Variants in CBR4 observed in about 807,000 individuals in gnomAD.
The protein encoded by CBR4 is 3-oxoacyl-[acyl-carrier-protein] reductase.
CBR4 carries 22 observed loss-of-function variants against 21.0 expected under a neutral mutation model. That is an observed-to-expected ratio of 1.05 (90% confidence interval 0.75 to 1.50). The LOEUF is 1.50. Ranked by LOEUF, CBR4 falls within the 40% of genes most tolerant of loss-of-function variation. The pLI is 0.00. For synonymous variants in CBR4, 100 were observed against 104.4 expected, an observed-to-expected ratio of 0.96 and a Z score of 0.26; for missense variants, 302 against 286.3, an observed-to-expected ratio of 1.05 and a Z score of -0.40.
intron 2 of CBR4, among the ~76,000 whole-genome samples, chr4:168,912,902 A>T (rs1418319664): frequency 1.3e-5 from 2 of 152,172 alleles, no homozygotes; most frequent in African/African-American, 4.8e-5. Flanking sequence ...TCAATTGACA[A>T]ATTTAAGAGA....
intron 2 of CBR4, among the ~76,000 whole-genome samples, chr4:168,961,368 T>C (rs897780422): frequency 3.3e-5 from 5 of 152,168 alleles, no homozygotes; most frequent in Admixed American, 6.5e-5. Context: ...TCAATATCTA[T>C]AGAATATTAT....
At chr4:168,937,919 A>G (rs1443488172) in intron 2 of CBR4, among the ~76,000 whole-genome samples, 1 of 152,202 alleles carries the variant, frequency 6.6e-6, no homozygotes. Context: ...CAGAAAATTA[A>G]CAAGGATATT....
intron 2 of CBR4, chr4:168,924,443 T>C: frequency 6.2e-7 from 1 of 1,603,010 alleles, no homozygotes; most frequent in Non-Finnish European, 8.5e-7. Flanking sequence ...AATGAGAACC[T>C]GATCCTTAAC....
At chr4:168,959,319 C>T (rs1460569318) in intron 2 of CBR4, among the ~76,000 whole-genome samples, 1 of 152,138 alleles carries the variant, frequency 6.6e-6, no homozygotes, top group African/African-American at 2.4e-5. Context: ...TGCCTTGGCA[C>T]CTTTGTCAAA....
downstream of CBR4, among the ~76,000 whole-genome samples, chr4:168,986,682 G>A (rs890593889): frequency 6.6e-6 from 1 of 152,136 alleles, no homozygotes; most frequent in Non-Finnish European, 1.5e-5. Context: ...GGTGGCTCAC[G>A]CCTGTAATCC....
chr4:168,933,440 G>T (rs1053470067), intron 2 of CBR4, among the ~76,000 whole-genome samples: 1 of 152,028 alleles, frequency 6.6e-6, no homozygotes, highest in East Asian at 1.9e-4. Context: ...AATAATAAAG[G>T]TATCAATTCA....
intron 3 of CBR4, 25 bp from the exon 4 acceptor site, chr4:169,002,230 A>C (rs1730513729): frequency 7.2e-7 from 1 of 1,387,104 alleles, no homozygotes; most frequent in African/African-American, 1.5e-5. Flanking sequence ...AAAAAAAAAA[A>C]AAAAAAAGCG....
intron 2 of CBR4, among the ~76,000 whole-genome samples, chr4:168,974,022 A>G (rs543153425): frequency 3.3e-5 from 5 of 152,140 alleles, no homozygotes; most frequent in African/African-American, 1.2e-4. Flanking sequence ...AGATCCTGTG[A>G]GATTTATGCT....
chr4:168,927,706 T>A (rs993827423), intron 2 of CBR4: 1 of 225,014 alleles, frequency 4.4e-6, no homozygotes, highest in Non-Finnish European at 8.9e-6. Context: ...TAAAGGCATC[T>A]CGGTAAAGAC....
chr4:168,978,305 T>C (rs977875906), intron 2 of CBR4, among the ~76,000 whole-genome samples: 7 of 152,084 alleles, frequency 4.6e-5, no homozygotes, highest in African/African-American at 1.7e-4. Flanking sequence ...AGATCAAAAA[T>C]ATTTGGGGGA....
intron 3 of CBR4, chr4:169,005,746 A>AGTAAATG (rs374651366): frequency 2.0e-5 from 10 of 489,224 alleles, no homozygotes; most frequent in African/African-American, 1.8e-4. Context: ...AATTTTTAAG[A>AGTAAATG]GTAAATGTCC....
At chr4:168,978,934 G>C (rs972565982) in intron 2 of CBR4, among the ~76,000 whole-genome samples, 2 of 151,830 alleles carry the variant, frequency 1.3e-5, no homozygotes, top group East Asian at 3.9e-4. Flanking sequence ...CCCTGGAACA[G>C]AGCTCCCAGG....
intron 3 of CBR4, among the ~76,000 whole-genome samples, chr4:169,002,411 T>C (rs1730530182): frequency 6.6e-6 from 1 of 152,118 alleles, no homozygotes; most frequent in African/African-American, 2.4e-5. Flanking sequence ...ATACAGAAAA[T>C]AGCATCTGAA....
rs1334174398 is a variant in CBR4, at chr4:168,924,992, C to T, written n.170-30227G>A. On this transcript the variant is annotated intron_variant and non_coding_transcript_variant, in intron 2 of 3. Transcript: ENST00000509108. Reference sequence around the variant, plus strand: ...TACATCTGCCTGCTCATTCAGGGAGCCACAAAAGAAGATGCTGGGTGGTAT... The same window carrying T: ...TACATCTGCCTGCTCATTCAGGGAGTCACAAAAGAAGATGCTGGGTGGTAT... The T allele has an allele frequency of 6.2e-7, 1 of 1,613,986 alleles. No individual in the cohort carries two copies. Among genetic ancestry groups the T allele is most frequent in the South Asian group, 1.1e-5 (1 of 91,072 alleles).
At position 168,987,645 on chromosome 4, in the gene CBR4, T is replaced by G. The variant is rs907938891; in HGVS notation, c.*2505A>C. 4.7e-5 allele frequency: 45 copies of G among 963,032 alleles called. No individual in the cohort carries two copies. The highest frequency in any genetic ancestry group is 9.9e-6 in the Non-Finnish European group (8 of 809,688). 59.7% of individuals were successfully genotyped at this position (963,032 alleles called of 1,614,324 possible). A position where few individuals can be genotyped will look rare whatever the true frequency, so the allele number is the denominator to read the frequency against. ...CAGTTTGTTTACCAAGTTAGGACAGTGGTTATGATTTCTCAATTTACACAT... is the reference window on the plus strand; with the variant it reads ...CAGTTTGTTTACCAAGTTAGGACAGGGGTTATGATTTCTCAATTTACACAT... On this transcript the variant is annotated 3_prime_UTR_variant, in exon 5 of 5. Coordinates refer to ENST00000306193, the MANE Select transcript of CBR4 (RefSeq NM_032783.5).
intron 2 of CBR4, among the ~76,000 whole-genome samples, chr4:168,914,311 G>A (rs1335941098): frequency 6.6e-6 from 1 of 152,116 alleles, no homozygotes; most frequent in Non-Finnish European, 1.5e-5. Context: ...CTTTTAAATG[G>A]CATATGAAAA....
At chr4:168,913,602 A>G (rs1311741621) in intron 2 of CBR4, among the ~76,000 whole-genome samples, 3 of 152,094 alleles carry the variant, frequency 2.0e-5, no homozygotes, top group Non-Finnish European at 4.4e-5. Flanking sequence ...TTACAATTCA[A>G]CATCATGTGT....
downstream of CBR4, among the ~76,000 whole-genome samples, chr4:168,982,931 A>C (rs1764584342): frequency 6.6e-6 from 1 of 152,178 alleles, no homozygotes; most frequent in Admixed American, 6.5e-5. Flanking sequence ...GTCAAAAGCA[A>C]AGTTCACAGC....
chr4:168,947,458 G>A (rs1421259668), intron 2 of CBR4, among the ~76,000 whole-genome samples: 1 of 152,038 alleles, frequency 6.6e-6, no homozygotes, highest in Non-Finnish European at 1.5e-5. Flanking sequence ...CTTTAGTGGT[G>A]ATTTGTGAGA....
Sources: allele counts gnomAD v4.1 joint callset (sites outside exome capture counted in the v4.1 genomes callset), GRCh38; gene constraint gnomAD v4.1.1; transcripts MANE v1.5; gene names NCBI Gene and HGNC (gene_info 2026-07-23, HGNC 2026-07-21).